CELF1: variants seen among roughly 807,000 people sequenced by gnomAD.
CELF1 encodes the protein 50 kDa nuclear polyadenylated RNA-binding protein.
In CELF1, 10 loss-of-function variants were observed where a neutral mutation model predicts 61.8. That is an observed-to-expected ratio of 0.16 (90% CI 0.10 to 0.27). The LOEUF (loss-of-function observed/expected upper bound fraction) is 0.27, where lower values mean the gene tolerates loss of function less well. Among genes scored for constraint, CELF1 ranks in the 10% least tolerant of loss-of-function variants. The probability of loss-of-function intolerance (pLI) is 1.00; values close to 1 mark genes in which losing one functional copy is unlikely to be tolerated. For missense variants in CELF1, 380 were observed against 639.1 expected (o/e 0.59, Z 4.37); for synonymous variants, 236 against 225.1 (o/e 1.05, Z -0.43).
intron 1 of CELF1, among the ~76,000 whole-genome samples, chr11:47,531,062 T>C (rs2096457326): frequency 6.6e-6 from 1 of 151,200 alleles, no homozygotes; most frequent in Non-Finnish European, 1.5e-5. Context: ...GCCTGGCCAA[T>C]TTGGCGAAAC....
chr11:47,556,021 C>T (rs927824729), upstream of CELF1, among the ~76,000 whole-genome samples: 2 of 144,312 alleles, frequency 1.4e-5, no homozygotes, highest in Non-Finnish European at 3.0e-5. Context: ...AAAAAAAAAG[C>T]CAGTGTTAGT....
intron 6 of CELF1, among the ~76,000 whole-genome samples, 193 bp downstream of exon 6, chr11:47,486,557 G>A (rs959028948): frequency 1.3e-5 from 2 of 152,010 alleles, no homozygotes; most frequent in African/African-American, 4.8e-5. Context: ...TTACAGGCAT[G>A]CACAACCATA....
intron 1 of CELF1, among the ~76,000 whole-genome samples, chr11:47,551,232 G>A (rs1031619441): frequency 1.3e-5 from 2 of 152,102 alleles, no homozygotes; most frequent in African/African-American, 4.8e-5. Flanking sequence ...GGGTCAGAAT[G>A]AATGGTTGAA....
chr11:47,501,127 A>G (rs531856472), intron 1 of CELF1, among the ~76,000 whole-genome samples, 195 bp from the exon 2 acceptor site: 1 of 152,354 alleles, frequency 6.6e-6, no homozygotes, highest in South Asian at 2.1e-4. Flanking sequence ...TCCAAAATCT[A>G]GAACTGTACT....
At chr11:47,494,525 T>G in intron 3 of CELF1, 1 of 978,144 alleles carries the variant, frequency 1.0e-6, no homozygotes, top group Non-Finnish European at 1.2e-6. Flanking sequence ...AAAGTATGTA[T>G]TTGTTCAAAA....
intron 1 of CELF1, among the ~76,000 whole-genome samples, chr11:47,503,663 A>C (rs1253512513): frequency 6.6e-6 from 1 of 152,212 alleles, no homozygotes; most frequent in Non-Finnish European, 1.5e-5. Context: ...CTTGAAAATA[A>C]CCAACTACAG....
chr11:47,532,688 A>G (rs147094191), intron 1 of CELF1, among the ~76,000 whole-genome samples: 13 of 152,200 alleles, frequency 8.5e-5, no homozygotes, highest in African/African-American at 2.6e-4. Flanking sequence ...CATGTCCCTC[A>G]TTTTCAAAAT....
chr11:47,558,274 CAG>C (rs1454936334), intron 2 of CELF1, among the ~76,000 whole-genome samples: 1 of 151,530 alleles, frequency 6.6e-6, no homozygotes, highest in Non-Finnish European at 1.5e-5. Context: ...TTTACTGACA[CAG>C]ACTCATCAGT....
intron 3 of CELF1, among the ~76,000 whole-genome samples, chr11:47,499,239 G>A (rs867814575): frequency 6.6e-6 from 1 of 152,174 alleles, no homozygotes; most frequent in Non-Finnish European, 1.5e-5. Context: ...TATATCAAGT[G>A]CACCTTTATG....
At chr11:47,539,564 T>C (rs2096722669) in intron 1 of CELF1, among the ~76,000 whole-genome samples, 5 of 152,216 alleles carry the variant, frequency 3.3e-5, no homozygotes, top group Admixed American at 3.3e-4. Context: ...CAAAGAGCCA[T>C]GATCCCTGAC....
rs983429859 is a variant in CELF1 at position 47,523,837 on chromosome 11, A to G, written c.-153-22905T>C. On this transcript the variant is annotated intron_variant, in intron 1 of 14. Transcript: ENST00000687097. ...CAAACTTGAATTTAGACTTACACTG[A>G]CCAGGAGTAAGAATTCATCACTGTT... The G allele has an allele frequency of 7.2e-5, 11 of 152,226 alleles. No individual in the cohort carries two copies. The East Asian group carries it at 1.5e-3, about 21-fold the overall frequency. 9.4% of individuals were successfully genotyped at this position (152,226 alleles called of 1,614,324 possible).
intron 10 of CELF1, 148 bp downstream of exon 10, chr11:47,478,729 T>C (rs1329999441): frequency 5.0e-6 from 3 of 602,724 alleles, no homozygotes; most frequent in Non-Finnish European, 9.0e-6. Flanking sequence ...GACAAGAAAA[T>C]TGAGTCCTGG....
rs138214701 is a variant in CELF1 at position 47,509,283 on chromosome 11, G to A, written c.-153-8351C>T. On this transcript the variant is annotated intron_variant, in intron 1 of 14. Transcript: ENST00000687097. Reference sequence around the variant, plus strand: ...TGAGAAAGCCTGAACTGTTTGTACTGTATTTCCTTGGAACTCCACGGATGT... The same window carrying A: ...TGAGAAAGCCTGAACTGTTTGTACTATATTTCCTTGGAACTCCACGGATGT... 1.4e-4 allele frequency among the ~76,000 whole-genome samples: 22 copies of A among 152,228 alleles called. No homozygotes were observed. The East Asian group carries it at 4.2e-3, about 29-fold the overall frequency.
intron 4 of CELF1, 87 bp from the exon 5 acceptor site, chr11:47,487,328 TAA>T (rs2088024720): frequency 1.0e-6 from 1 of 964,218 alleles, no homozygotes; most frequent in Non-Finnish European, 1.6e-6. Context: ...GATCAGATCT[TAA>T]AAGAGGGCTG....
rs180830864 is a variant in CELF1 at position 47,552,777 on chromosome 11, G to A, written c.-154+215C>T. The stretch of plus-strand genomic sequence containing the variant: ...CTCCCTGGGCGCGGGGGCACGCGCT[G>A]GGCAAACGCGACAGGACCCGGGGAG... On this transcript the variant is annotated intron_variant, in intron 1 of 14. Coordinates refer to ENST00000687097, the MANE Select transcript of CELF1 (RefSeq NM_001376376.1). Among the ~76,000 whole-genome samples the A allele has an allele frequency of 6.9e-3, 1,056 of 152,276 alleles. 11 individuals carry two copies. The highest frequency in any genetic ancestry group is 0.024 in the African/African-American group (987 of 41,568).
intron 2 of CELF1, among the ~76,000 whole-genome samples, chr11:47,558,709 TATA>T (rs1459297832): frequency 3.3e-4 from 35 of 105,372 alleles, no homozygotes; most frequent in South Asian, 3.2e-3. Context: ...TGTCATAATA[TATA>T]ATATTATGAC....
chr11:47,498,670 T>C (rs1179580263), intron 3 of CELF1, among the ~76,000 whole-genome samples: 1 of 152,190 alleles, frequency 6.6e-6, no homozygotes, highest in Non-Finnish European at 1.5e-5. Flanking sequence ...GTGACTGAAA[T>C]CAGGGGTTGG....
At chr11:47,481,096 C>CTTT (rs2082869074) in intron 9 of CELF1, among the ~76,000 whole-genome samples, 63 of 57,518 alleles carry the variant, frequency 1.1e-3, no homozygotes, top group Non-Finnish European at 1.5e-3. Flanking sequence ...TTTTTTTTTT[C>CTTT]TTCTTCTTTT....
intron 3 of CELF1, among the ~76,000 whole-genome samples, chr11:47,489,641 G>A (rs1189214825): frequency 2.6e-5 from 4 of 152,116 alleles, no homozygotes; most frequent in African/African-American, 7.2e-5. Flanking sequence ...ATGATTGTGC[G>A]ATGAACATAA....
Sources: gnomAD v4.1 joint callset for allele counts (sites outside exome capture counted in the v4.1 genomes callset) on GRCh38, gnomAD v4.1.1 for gene constraint, MANE v1.5 for transcripts, NCBI Gene and HGNC (gene_info 2026-07-23, HGNC 2026-07-21) for gene names.